The following VWA8 variants were observed in gnomAD, a reference collection of about 807,000 sequenced individuals.
The protein encoded by VWA8 is von Willebrand factor A domain-containing protein 8.
Under a neutral mutation model 241.5 loss-of-function variants are expected in VWA8, and 221 were observed. The ratio of observed to expected loss-of-function variants is 0.91; its 90% CI spans 0.82 to 1.02. VWA8 has a LOEUF of 1.02. Ranked by LOEUF, VWA8 falls within the 50% of genes least tolerant of loss-of-function variation. The pLI, the probability that VWA8 is intolerant of heterozygous loss-of-function variation, is 0.00. For synonymous variants in VWA8, 852 were observed against 827.1 expected, an observed-to-expected ratio of 1.03 and a Z score of -0.52; for missense variants, 2,322 against 2,328.7, an observed-to-expected ratio of 1.00 and a Z score of 0.06.
At chr13:41,699,982 GGAGA>G (rs2045239254) in intron 28 of VWA8, among the ~76,000 whole-genome samples, 1 of 152,106 alleles carries the variant, frequency 6.6e-6, no homozygotes, top group Non-Finnish European at 1.5e-5. Context: ...CAAACTCCCA[GGAGA>G]GGCTAATGCT....
At chr13:41,747,662 T>A (rs956648574) in intron 21 of VWA8, among the ~76,000 whole-genome samples, 2 of 104,158 alleles carry the variant, frequency 1.9e-5, no homozygotes, top group Non-Finnish European at 4.5e-5. Flanking sequence ...AGAGAGGGCA[T>A]CCCTGTCTTG....
intron 2 of VWA8, among the ~76,000 whole-genome samples, chr13:41,942,423 C>G (rs868620110): frequency 2.0e-5 from 3 of 152,196 alleles, no homozygotes; most frequent in Middle Eastern, 6.8e-3. Context: ...AAAGACTGAG[C>G]CTTTTCAAGG....
At chr13:41,826,914 T>C (rs1871199467) in intron 14 of VWA8, among the ~76,000 whole-genome samples, 2 of 151,794 alleles carry the variant, frequency 1.3e-5, no homozygotes. Flanking sequence ...TGATAGAAGA[T>C]GGAATTGATA....
At chr13:41,738,519 T>G (rs895963325) in intron 21 of VWA8, among the ~76,000 whole-genome samples, 1 of 152,164 alleles carries the variant, frequency 6.6e-6, no homozygotes, top group Non-Finnish European at 1.5e-5. Context: ...TAAAAAGAAA[T>G]TCTTCAAAAG....
chr13:41,887,703 C>T (rs1009188338), intron 5 of VWA8, among the ~76,000 whole-genome samples: 2 of 152,128 alleles, frequency 1.3e-5, no homozygotes, highest in South Asian at 2.1e-4. Context: ...AGGTAGTCCC[C>T]GACGGGCAGA....
intron 14 of VWA8, among the ~76,000 whole-genome samples, chr13:41,821,799 A>G (rs1314081479): frequency 1.3e-5 from 2 of 152,204 alleles, no homozygotes; most frequent in Admixed American, 6.5e-5. Context: ...GAGTTTTTAT[A>G]AAGTACTTTC....
chr13:41,893,459 AT>A (rs963518911), intron 4 of VWA8, among the ~76,000 whole-genome samples: 3 of 148,838 alleles, frequency 2.0e-5, no homozygotes. Flanking sequence ...TAGAAGCTTT[AT>A]TTAAAAAAAA....
intron 17 of VWA8, among the ~76,000 whole-genome samples, chr13:41,794,458 T>C (rs1869598640): frequency 6.6e-6 from 1 of 152,198 alleles, no homozygotes; most frequent in Non-Finnish European, 1.5e-5. Context: ...TGTATAGAAA[T>C]GCTAGTGATT....
At chr13:41,862,593 C>A (rs1293725699) in intron 12 of VWA8, among the ~76,000 whole-genome samples, 1 of 152,064 alleles carries the variant, frequency 6.6e-6, no homozygotes, top group Non-Finnish European at 1.5e-5. Context: ...AGAGAAAAAA[C>A]AACCCCACTT....
intron 42 of VWA8, among the ~76,000 whole-genome samples, chr13:41,585,474 G>A (rs779519552): frequency 3.3e-5 from 5 of 152,246 alleles, no homozygotes; most frequent in East Asian, 1.9e-4. Flanking sequence ...CCTCAAAAAC[G>A]TAGAAATCCT....
intron 21 of VWA8, among the ~76,000 whole-genome samples, chr13:41,735,432 A>G (rs2045517281): frequency 1.3e-5 from 2 of 152,232 alleles, no homozygotes; most frequent in African/African-American, 4.8e-5. Flanking sequence ...TCTGTGCCAG[A>G]AATAAAAATC....
At chr13:41,749,219 G>A (rs2045634718) in intron 21 of VWA8, among the ~76,000 whole-genome samples, 1 of 152,174 alleles carries the variant, frequency 6.6e-6, no homozygotes, top group Admixed American at 6.5e-5. Flanking sequence ...CTTCTCAAAA[G>A]AAGACATTTA....
chr13:41,732,611 C>T (rs2045494012), intron 21 of VWA8, among the ~76,000 whole-genome samples: 2 of 151,964 alleles, frequency 1.3e-5, no homozygotes, highest in East Asian at 1.9e-4. Flanking sequence ...CACATTCAGG[C>T]CCAAACTGCC....
chr13:41,771,886 CTTTTT>C (rs10639837), intron 20 of VWA8, among the ~76,000 whole-genome samples: 1 of 100,274 alleles, frequency 1.0e-5, no homozygotes, highest in Non-Finnish European at 2.0e-5. Context: ...CCAGCAGGGA[CTTTTT>C]TTTTTTTTTT....
At position 41,679,005 on chromosome 13, in the gene VWA8, T is replaced by C. The variant is rs370117286; in HGVS notation, c.4328-3709A>G. Among the ~76,000 whole-genome samples the C allele has an allele frequency of 2.6e-5, 4 of 152,340 alleles. No homozygotes were observed. The South Asian group carries it at 8.3e-4, about 32-fold the overall frequency. On this transcript the variant is annotated intron_variant, in intron 35 of 44. Coordinates refer to ENST00000379310, the MANE Select transcript of VWA8 (RefSeq NM_015058.2). ...AAGATTCTTGAACAGAATACTTGAC[T>C]GAATTAAGGAAGTGAAAACTGTGGC...
intron 2 of VWA8, among the ~76,000 whole-genome samples, chr13:41,935,227 TC>T (rs1174725844): frequency 6.6e-6 from 1 of 152,142 alleles, no homozygotes; most frequent in Non-Finnish European, 1.5e-5. Flanking sequence ...AACTTGCAGC[TC>T]AGCTTCCTAA....
chr13:41,795,801 C>T (rs564445271), intron 17 of VWA8, among the ~76,000 whole-genome samples: 29 of 151,942 alleles, frequency 1.9e-4, no homozygotes, highest in Admixed American at 3.9e-4. Flanking sequence ...TTGAGGTGGG[C>T]GGGTAGGGGG....
intron 35 of VWA8, among the ~76,000 whole-genome samples, chr13:41,679,365 T>C (rs1054559598): frequency 3.9e-5 from 6 of 152,230 alleles, no homozygotes; most frequent in African/African-American, 1.4e-4. Flanking sequence ...CTTCTAGAAC[T>C]GTAATTTGAT....
intron 2 of VWA8, chr13:41,926,063 C>A: frequency 2.1e-6 from 1 of 466,382 alleles, no homozygotes. Flanking sequence ...AGTTGCAAGT[C>A]ATGGTGAATC....
Sources: allele counts gnomAD v4.1 joint callset (sites outside exome capture counted in the v4.1 genomes callset), GRCh38; gene constraint gnomAD v4.1.1; transcripts MANE v1.5; gene names NCBI Gene and HGNC (gene_info 2026-07-23, HGNC 2026-07-21).